The following ZNF512 variants were observed in gnomAD, a reference collection of about 807,000 sequenced individuals.
The protein encoded by ZNF512 is zinc finger protein 512.
A neutral mutation model predicts 77.5 loss-of-function variants in ZNF512; 25 were observed. The observed-to-expected ratio is 0.32, with a 90% confidence interval of 0.23 to 0.45. ZNF512 has a LOEUF of 0.45. Among genes scored for constraint, ZNF512 ranks in the 20% least tolerant of loss-of-function variants. The probability of loss-of-function intolerance (pLI) is 1.00; values close to 1 mark genes in which losing one functional copy is unlikely to be tolerated. For missense variants in ZNF512, 483 were observed against 692.6 expected, an observed-to-expected ratio of 0.70 and a Z score of 3.40; for synonymous variants, 246 against 239.9, an observed-to-expected ratio of 1.03 and a Z score of -0.24.
At chr2:27,604,880 A>G (rs1472890897) in intron 9 of ZNF512, among the ~76,000 whole-genome samples, 1 of 152,176 alleles carries the variant, frequency 6.6e-6, no homozygotes, top group Non-Finnish European at 1.5e-5. Context: ...TCTGGCAACC[A>G]CTGATTTATT....
chr2:27,583,772 G>T, intron 2 of ZNF512, 56 bp downstream of exon 2: 1 of 1,584,034 alleles, frequency 6.3e-7, no homozygotes, highest in South Asian at 1.1e-5. Context: ...CTGACCAGTA[G>T]AACTTCTTCC....
intron 6 of ZNF512, among the ~76,000 whole-genome samples, 159 bp from the exon 7 acceptor site, chr2:27,601,197 C>T (rs575548702): frequency 5.9e-5 from 9 of 152,186 alleles, no homozygotes; most frequent in African/African-American, 2.2e-4. Context: ...CTTTATTTTG[C>T]CCTTGAAGAC....
chr2:27,621,427 C>T lies in ZNF512; in HGVS notation c.1670C>T (p.Pro557Leu), dbSNP rs1332256998. 2 of 1,612,926 alleles carry T rather than the reference C, an allele frequency of 1.2e-6. No homozygotes were observed. The highest frequency in any genetic ancestry group is 4.5e-5 in the East Asian group (2 of 44,882). The change falls in exon 14 of 14, where the codon CCC (proline) becomes CTC (leucine). Residue 557 changes from proline to leucine, a missense_variant. This residue lies in a region of ZNF512 where 324 missense variants were observed against 525.0 expected (regional missense o/e 0.62). Coordinates refer to ENST00000355467, the MANE Select transcript of ZNF512 (RefSeq NM_032434.4). ...CCAGCACAGTTCCAGAAAGTAAAGC[C>T]CCCAAAGACTAATCATAAACGAGGA... The part of the protein sequence containing the change: ...PVPAQFQKVK[P>L]PKTNHKRGRK
chr2:27,604,988 A>C (rs1672290981), intron 9 of ZNF512, among the ~76,000 whole-genome samples: 1 of 151,824 alleles, frequency 6.6e-6, no homozygotes, highest in South Asian at 2.1e-4. Context: ...ACCATAATCC[A>C]TTTGTGATTC....
intron 2 of ZNF512, among the ~76,000 whole-genome samples, chr2:27,593,226 A>G (rs1343333484): frequency 6.7e-6 from 1 of 149,906 alleles, no homozygotes; most frequent in Non-Finnish European, 1.5e-5. Context: ...ACACACACAC[A>G]CACACACACA....
intron 13 of ZNF512, 49 bp from the exon 14 acceptor site, chr2:27,621,104 T>C (rs1673100844): frequency 6.3e-7 from 1 of 1,576,256 alleles, no homozygotes; most frequent in Non-Finnish European, 8.6e-7. Flanking sequence ...TTTCTTTATG[T>C]TCTTCACTAT....
intron 2 of ZNF512, among the ~76,000 whole-genome samples, chr2:27,588,319 G>A (rs183002496): frequency 7.9e-5 from 12 of 151,840 alleles, no homozygotes; most frequent in African/African-American, 2.4e-4. Context: ...GCGAGATTCC[G>A]TCTTAAGAAA....
intron 2 of ZNF512, among the ~76,000 whole-genome samples, chr2:27,587,540 G>C (rs541163608): frequency 3.3e-5 from 5 of 151,794 alleles, no homozygotes; most frequent in African/African-American, 7.3e-5. Context: ...GCCTCCCAAA[G>C]TGCTGGGATT....
At chr2:27,595,385 C>T (rs564534088) in intron 2 of ZNF512, among the ~76,000 whole-genome samples, 7 of 150,624 alleles carry the variant, frequency 4.6e-5, no homozygotes, top group South Asian at 4.2e-4. Flanking sequence ...ACTGCAGCGG[C>T]GCGATCTCTG....
At chr2:27,617,631 C>G (rs1227975235) in intron 13 of ZNF512, 60 bp downstream of exon 13, 3 of 782,904 alleles carry the variant, frequency 3.8e-6, no homozygotes, top group African/African-American at 3.4e-5. Context: ...TAGACTTTGT[C>G]CCTATTGTTA....
Position 27,600,136 on chromosome 2 carries a change from A to C in ZNF512, c.457+83A>C. 3 of 1,455,462 alleles carry C rather than the reference A, an allele frequency of 2.1e-6. No individual in the cohort carries two copies. In the African/African-American group the frequency reaches 4.2e-5, roughly 20 times the overall value. 90.2% of individuals were successfully genotyped at this position (1,455,462 alleles called of 1,614,324 possible). ...GGTGTTGTCTGTGAAGGAATGAGGT[A>C]CTAAAGCATTTCTTTAAGGAGGCAG... On this transcript the variant is annotated intron_variant, in intron 5 of 13. Coordinates refer to ENST00000355467, the MANE Select transcript of ZNF512 (RefSeq NM_032434.4).
chr2:27,591,369 A>G (rs955722951), intron 2 of ZNF512, among the ~76,000 whole-genome samples: 3 of 152,182 alleles, frequency 2.0e-5, no homozygotes, highest in Admixed American at 1.3e-4. Flanking sequence ...AGACAATCCA[A>G]TTACACTCTT....
chr2:27,588,693 T>C (rs1393862129), intron 2 of ZNF512, among the ~76,000 whole-genome samples: 1 of 152,082 alleles, frequency 6.6e-6, no homozygotes. Context: ...GTTTTGGTTA[T>C]TCTCAGTTCT....
At chr2:27,599,848 C>A in intron 4 of ZNF512, 122 bp from the exon 5 acceptor site, 1 of 1,260,206 alleles carries the variant, frequency 7.9e-7, no homozygotes, top group Non-Finnish European at 1.1e-6. Flanking sequence ...TCATTCTGTC[C>A]TGACTTAGGC....
chr2:27,607,777 C>A, intron 9 of ZNF512, 68 bp from the exon 10 acceptor site: 2 of 1,489,918 alleles, frequency 1.3e-6, no homozygotes, highest in Non-Finnish European at 9.3e-7. Context: ...GGAAGCTCAG[C>A]CTTTAATCAC....
At chr2:27,593,195 TACACACACACACAC>T (rs57568574) in intron 2 of ZNF512, among the ~76,000 whole-genome samples, 104 of 112,142 alleles carry the variant, frequency 9.3e-4, no homozygotes, top group Admixed American at 3.0e-3. Flanking sequence ...ACCCTGTCTC[TACACACACACACAC>T]ACACACACAC....
At chr2:27,608,110 A>C in intron 10 of ZNF512, 71 bp downstream of exon 10, 1 of 1,402,404 alleles carries the variant, frequency 7.1e-7, no homozygotes, top group Non-Finnish European at 9.5e-7. Context: ...ACAGAGAAGT[A>C]AATGCACTTG....
At chr2:27,594,950 G>A (rs13010586) in intron 2 of ZNF512, among the ~76,000 whole-genome samples, 41,997 of 152,052 alleles carry the variant, frequency 0.28, 6,352 homozygotes, top group East Asian at 0.49. Flanking sequence ...TCAACACGGC[G>A]AAACCCCGTC....
intron 13 of ZNF512, 61 bp from the exon 14 acceptor site, chr2:27,621,092 C>T (rs1673100326): frequency 6.4e-7 from 1 of 1,555,026 alleles, no homozygotes; most frequent in Non-Finnish European, 8.7e-7. Flanking sequence ...TCTTCCTCCA[C>T]CTTTCTTTAT....
Sources: gnomAD v4.1 joint callset for allele counts (sites outside exome capture counted in the v4.1 genomes callset) on GRCh38, gnomAD v4.1.1 for gene constraint, gnomAD v4.1.1 regional missense constraint, MANE v1.5 for transcripts, NCBI Gene and HGNC (gene_info 2026-07-23, HGNC 2026-07-21) for gene names.